Variants in TENM2 observed in about 807,000 individuals in gnomAD.
TENM2 encodes teneurin transmembrane protein 2, also known as teneurin-2.
In TENM2, 52 loss-of-function variants were observed where a neutral mutation model predicts 245.2. The observed-to-expected ratio is 0.21, with a 90% CI of 0.17 to 0.27. TENM2 has a LOEUF of 0.27. TENM2 is among the 10% of genes least tolerant of loss of function. The probability of loss-of-function intolerance (pLI) is 1.00; values close to 1 mark genes in which losing one functional copy is unlikely to be tolerated. For missense variants in TENM2, 3,046 were observed against 3,666.8 expected (o/e 0.83, Z 4.37); for synonymous variants, 1,363 against 1,438.9 (o/e 0.95, Z 1.19).
At chr5:167,529,724 G>A (rs1771369491) in intron 2 of TENM2, among the ~76,000 whole-genome samples, 1 of 152,134 alleles carries the variant, frequency 6.6e-6, no homozygotes, top group African/African-American at 2.4e-5. Flanking sequence ...CAAATGTAAA[G>A]GTAAATTTTA....
chr5:168,211,045 C>T (rs571304461), intron 19 of TENM2, among the ~76,000 whole-genome samples: 23 of 152,234 alleles, frequency 1.5e-4, no homozygotes, highest in African/African-American at 5.3e-4. Context: ...CATTTATGGA[C>T]GTTATTGCAA....
intron 2 of TENM2, chr5:167,755,255 A>G (rs768366181): frequency 5.5e-6 from 7 of 1,263,412 alleles, no homozygotes; most frequent in East Asian, 2.3e-5. Context: ...CTGACAGGGT[A>G]GTTGGAGTAT....
the TENM2 span, among the ~76,000 whole-genome samples, chr5:167,164,117 A>C: frequency 6.6e-6 from 1 of 152,228 alleles, no homozygotes; most frequent in Non-Finnish European, 1.5e-5. Flanking sequence ...GCCAGCTTCA[A>C]ATAAGAACAT....
intron 5 of TENM2, among the ~76,000 whole-genome samples, chr5:168,024,007 A>G (rs1234430451): frequency 6.6e-6 from 1 of 152,222 alleles, no homozygotes; most frequent in Non-Finnish European, 1.5e-5. Context: ...ATACACATAT[A>G]TAAACATACA....
chr5:168,104,027 T>A (rs1192573811), intron 9 of TENM2, among the ~76,000 whole-genome samples: 2 of 152,012 alleles, frequency 1.3e-5, no homozygotes, highest in Admixed American at 1.3e-4. Flanking sequence ...TTTGTTTGTT[T>A]GTTTGTTTGT....
At chr5:167,839,434 G>A (rs1444539495) in intron 2 of TENM2, among the ~76,000 whole-genome samples, 3 of 152,154 alleles carry the variant, frequency 2.0e-5, no homozygotes, top group African/African-American at 7.2e-5. Context: ...ACATTTGTTA[G>A]CATCGAAAAC....
chr5:166,982,623 A>AAGC, the TENM2 span, among the ~76,000 whole-genome samples: 2 of 151,990 alleles, frequency 1.3e-5, no homozygotes, highest in South Asian at 4.1e-4. Flanking sequence ...AGCCTATGTT[A>AAGC]TTGTCTTTCA....
chr5:167,120,544 G>T, the TENM2 span, among the ~76,000 whole-genome samples: 1 of 152,180 alleles, frequency 6.6e-6, no homozygotes, highest in Non-Finnish European at 1.5e-5. Flanking sequence ...ATCAGGAGTT[G>T]TCTTTCTGAG....
At chr5:168,138,442 T>C (rs113734797) in intron 12 of TENM2, among the ~76,000 whole-genome samples, 3 of 152,238 alleles carry the variant, frequency 2.0e-5, no homozygotes, top group African/African-American at 7.2e-5. Flanking sequence ...AGTGAATGGC[T>C]AAGAAAATTG....
intron 5 of TENM2, among the ~76,000 whole-genome samples, chr5:168,014,015 A>G (rs1785468989): frequency 6.6e-6 from 1 of 152,132 alleles, no homozygotes; most frequent in Non-Finnish European, 1.5e-5. Context: ...GACACCATTC[A>G]TATTGGATTA....
rs188338390 is a variant in TENM2 at position 167,352,533 on chromosome 5, A to G, written c.227-22665A>G. 2.1e-4 allele frequency among the ~76,000 whole-genome samples: 32 copies of G among 152,342 alleles called. 1 individual carries two copies. Among genetic ancestry groups the G allele is most frequent in the African/African-American group, 6.5e-4 (27 of 41,586 alleles). On this transcript the variant is annotated intron_variant, in intron 1 of 28. Transcript: ENST00000518659. ...AGACATTTATTTGTAAAATAAATTT[A>G]CAATAATTGTTCTCCCCCATTATCT...
chr5:167,863,324 A>G (rs186646570), intron 2 of TENM2, among the ~76,000 whole-genome samples: 7 of 152,252 alleles, frequency 4.6e-5, no homozygotes, highest in African/African-American at 1.7e-4. Context: ...TCTTTAAAGT[A>G]CTGATGCTGG....
intron 2 of TENM2, among the ~76,000 whole-genome samples, chr5:167,625,085 G>A (rs1778412172): frequency 6.6e-6 from 1 of 151,982 alleles, no homozygotes; most frequent in South Asian, 2.1e-4. Flanking sequence ...TTACCCCCAA[G>A]CAGAGAGCTG....
intron 13 of TENM2, among the ~76,000 whole-genome samples, chr5:168,168,687 A>G (rs1384402023): frequency 6.8e-6 from 1 of 146,714 alleles, no homozygotes; most frequent in Non-Finnish European, 1.5e-5. Flanking sequence ...GTCTCAAAAA[A>G]AAAAAAAAAA....
chr5:167,775,266 C>T (rs759066959), intron 2 of TENM2, among the ~76,000 whole-genome samples: 2 of 152,166 alleles, frequency 1.3e-5, no homozygotes, highest in African/African-American at 2.4e-5. Context: ...CTGTGCCTGG[C>T]CAGGGTGTGA....
At chr5:167,620,087 C>T (rs1561608091) in intron 2 of TENM2, among the ~76,000 whole-genome samples, 1 of 152,092 alleles carries the variant, frequency 6.6e-6, no homozygotes, top group South Asian at 2.1e-4. Flanking sequence ...TCAATAAATG[C>T]CTGTTAACCT....
chr5:167,214,276 C>T, the TENM2 span, among the ~76,000 whole-genome samples: 2 of 152,162 alleles, frequency 1.3e-5, no homozygotes, highest in South Asian at 2.1e-4. Context: ...AGTCAAGTAA[C>T]TCATGAAATT....
intron 2 of TENM2, among the ~76,000 whole-genome samples, chr5:167,442,862 A>G (rs574172837): frequency 3.3e-5 from 5 of 152,126 alleles, no homozygotes; most frequent in Non-Finnish European, 7.3e-5. Flanking sequence ...GGGGTCTGCT[A>G]TTTATGTGAC....
At chr5:168,122,467 C>T (rs548245847) in intron 10 of TENM2, among the ~76,000 whole-genome samples, 234 of 152,282 alleles carry the variant, frequency 1.5e-3, no homozygotes, top group African/African-American at 5.1e-3. Flanking sequence ...TGAGTCACCA[C>T]GCCTGGCCCG....
Sources: gnomAD v4.1 joint callset for allele counts (sites outside exome capture counted in the v4.1 genomes callset) on GRCh38, gnomAD v4.1.1 for gene constraint, MANE v1.5 for transcripts, NCBI Gene and HGNC (gene_info 2026-07-23, HGNC 2026-07-21) for gene names.